SORCS3: variants seen among roughly 807,000 people sequenced by gnomAD.
SORCS3 encodes the protein VPS10 domain-containing receptor SorCS3.
In SORCS3, 57 loss-of-function variants were observed where a neutral mutation model predicts 146.3. The ratio of observed to expected loss-of-function variants is 0.39; its 90% CI spans 0.31 to 0.49. SORCS3 has a LOEUF of 0.49. Ranked by LOEUF, SORCS3 falls within the 20% of genes least tolerant of loss-of-function variation. The pLI, the probability that SORCS3 is intolerant of heterozygous loss-of-function variation, is 0.92. For synonymous variants in SORCS3, 653 were observed against 618.5 expected, an observed-to-expected ratio of 1.06 and a Z score of -0.83; for missense variants, 1,341 against 1,575.5, an observed-to-expected ratio of 0.85 and a Z score of 2.52.
intron 3 of SORCS3, among the ~76,000 whole-genome samples, chr10:104,949,062 C>T (rs2019401646): frequency 6.6e-6 from 1 of 152,126 alleles, no homozygotes; most frequent in African/African-American, 2.4e-5. Context: ...CAGGTCTTCT[C>T]CATTGTATGA....
intron 1 of SORCS3, among the ~76,000 whole-genome samples, chr10:104,686,929 C>G (rs1045941096): frequency 1.6e-5 from 2 of 121,868 alleles, no homozygotes; most frequent in African/African-American, 5.1e-5. Context: ...ATCCATCTAT[C>G]CATCCATCCA....
At chr10:104,693,480 C>A (rs185658631) in intron 1 of SORCS3, among the ~76,000 whole-genome samples, 5 of 152,276 alleles carry the variant, frequency 3.3e-5, no homozygotes, top group East Asian at 1.9e-4. Flanking sequence ...AAAACCCAAC[C>A]AATATACTGC....
chr10:104,778,123 T>C (rs779302329), intron 1 of SORCS3, among the ~76,000 whole-genome samples: 4 of 152,044 alleles, frequency 2.6e-5, no homozygotes, highest in Admixed American at 1.3e-4. Context: ...AGAATTGGAG[T>C]GTTGCCAACA....
intron 1 of SORCS3, among the ~76,000 whole-genome samples, chr10:104,760,894 C>A (rs2017113763): frequency 6.6e-6 from 1 of 151,412 alleles, no homozygotes; most frequent in Non-Finnish European, 1.5e-5. Flanking sequence ...TGAAGTACTG[C>A]AGGACAGATT....
chr10:104,669,145 A>G (rs1420768829), intron 1 of SORCS3, among the ~76,000 whole-genome samples: 1 of 151,898 alleles, frequency 6.6e-6, no homozygotes, highest in Non-Finnish European at 1.5e-5. Flanking sequence ...AGTAGCTACT[A>G]TATGCTTTTT....
At chr10:104,693,590 C>T (rs552645233) in intron 1 of SORCS3, among the ~76,000 whole-genome samples, 1 of 152,102 alleles carries the variant, frequency 6.6e-6, no homozygotes, top group African/African-American at 2.4e-5. Flanking sequence ...GAGCTGACTC[C>T]ATACGGACAC....
chr10:104,914,839 G>A (rs2133599478), intron 2 of SORCS3, among the ~76,000 whole-genome samples: 1 of 152,306 alleles, frequency 6.6e-6, no homozygotes, highest in Non-Finnish European at 1.5e-5. Flanking sequence ...GCGGATTTCA[G>A]GCCCCTATAA....
intron 1 of SORCS3, among the ~76,000 whole-genome samples, chr10:104,645,835 T>G (rs559377892): frequency 6.6e-6 from 1 of 152,330 alleles, no homozygotes; most frequent in Admixed American, 6.5e-5. Flanking sequence ...ATTAATTGTA[T>G]TTCACTCACT....
At chr10:105,252,729 A>G in intron 22 of SORCS3, 46 bp from the exon 23 acceptor site, 2 of 1,610,502 alleles carry the variant, frequency 1.2e-6, no homozygotes, top group Non-Finnish European at 1.7e-6. Context: ...TGATTTGGGG[A>G]GGGCTGGCTC....
intron 2 of SORCS3, among the ~76,000 whole-genome samples, chr10:104,887,971 G>GAGC (rs1554857309): frequency 1.2e-5 from 1 of 83,034 alleles, no homozygotes; most frequent in East Asian, 3.2e-4. Context: ...GGGGGGCGGG[G>GAGC]GCGGAGCAAG....
At chr10:104,659,909 C>G (rs1160767651) in intron 1 of SORCS3, among the ~76,000 whole-genome samples, 1 of 152,182 alleles carries the variant, frequency 6.6e-6, no homozygotes, top group Non-Finnish European at 1.5e-5. Context: ...AAACTGCACC[C>G]TCCAACATTG....
chr10:105,232,923 T>A (rs2056773230), intron 20 of SORCS3, among the ~76,000 whole-genome samples: 1 of 152,080 alleles, frequency 6.6e-6, no homozygotes, highest in Non-Finnish European at 1.5e-5. Context: ...TTTGTTAAAG[T>A]GTGTTTTATG....
At chr10:104,957,803 A>G (rs1247213914) in intron 3 of SORCS3, among the ~76,000 whole-genome samples, 2 of 152,018 alleles carry the variant, frequency 1.3e-5, no homozygotes, top group Non-Finnish European at 2.9e-5. Flanking sequence ...GGGATGATGG[A>G]TCATTACAGA....
At chr10:105,056,919 T>C (rs1400071965) in intron 5 of SORCS3, among the ~76,000 whole-genome samples, 2 of 152,236 alleles carry the variant, frequency 1.3e-5, no homozygotes, top group Non-Finnish European at 1.5e-5. Flanking sequence ...TTAGATTGTA[T>C]GACTATTTTA....
At chr10:105,216,524 G>A (rs892194484) in intron 18 of SORCS3, among the ~76,000 whole-genome samples, 2 of 152,058 alleles carry the variant, frequency 1.3e-5, no homozygotes, top group Non-Finnish European at 2.9e-5. Flanking sequence ...GGAATTATGA[G>A]GAGACTGCTT....
Position 104,715,192 on chromosome 10 carries a change from C to A in SORCS3, c.627+73238C>A, listed in dbSNP as rs572439673. The stretch of plus-strand genomic sequence containing the variant: ...TCTGTGAGGGTGTTTCTGGAAGGGA[C>A]CAGCATTTGAATCAGTAGACTGAGT... On this transcript the variant is annotated intron_variant, in intron 1 of 26. Transcript: ENST00000369701. Among the ~76,000 whole-genome samples the A allele has an allele frequency of 3.9e-5, 6 of 152,222 alleles. No homozygotes were observed. In the East Asian group the frequency reaches 1.2e-3, roughly 29 times the overall value.
intron 2 of SORCS3, among the ~76,000 whole-genome samples, chr10:104,865,568 C>G (rs1328720329): frequency 2.0e-5 from 3 of 152,192 alleles, no homozygotes; most frequent in African/African-American, 7.2e-5. Context: ...CAGACACCCT[C>G]AAAAGATCCC....
chr10:105,015,317 A>G (rs1231416087), intron 4 of SORCS3, among the ~76,000 whole-genome samples: 2 of 152,346 alleles, frequency 1.3e-5, no homozygotes, highest in Admixed American at 1.3e-4. Context: ...ACATGCATGA[A>G]TGTTTACACA....
chr10:104,794,239 G>T (rs2017526119), intron 1 of SORCS3, among the ~76,000 whole-genome samples: 1 of 152,104 alleles, frequency 6.6e-6, no homozygotes, highest in African/African-American at 2.4e-5. Flanking sequence ...CAGGCCTCGT[G>T]TCCAGGTTTT....
Sources: gnomAD v4.1 joint callset for allele counts (sites outside exome capture counted in the v4.1 genomes callset) on GRCh38, gnomAD v4.1.1 for gene constraint, MANE v1.5 for transcripts, NCBI Gene and HGNC (gene_info 2026-07-23, HGNC 2026-07-21) for gene names.